The following BPIFC variants were observed in gnomAD, a reference collection of about 807,000 sequenced individuals.
BPIFC encodes the protein BPI fold containing family C.
Under a neutral mutation model 57.6 loss-of-function variants are expected in BPIFC, and 60 were observed. That is an observed-to-expected ratio of 1.04 (90% CI 0.85 to 1.29). The LOEUF (loss-of-function observed/expected upper bound fraction) is 1.29, where lower values mean the gene tolerates loss of function less well. BPIFC is among the 50% of genes most tolerant of loss of function. The probability of loss-of-function intolerance (pLI) is 0.00; values close to 1 mark genes in which losing one functional copy is unlikely to be tolerated. For synonymous variants in BPIFC, 243 were observed against 224.5 expected, an observed-to-expected ratio of 1.08 and a Z score of -0.74; for missense variants, 581 against 600.5, an observed-to-expected ratio of 0.97 and a Z score of 0.34.
Position 32,450,137 on chromosome 22 carries a change from C to CAT in BPIFC, c.246-2798_246-2797insAT, listed in dbSNP as rs1184173551. Among the ~76,000 whole-genome samples the CAT allele has an allele frequency of 1.8e-4, 14 of 79,348 alleles. No homozygotes were observed. In the East Asian group the frequency reaches 4.3e-3, roughly 25 times the overall value. 52.1% of individuals were successfully genotyped at this position (79,348 alleles called of 152,430 possible). A position where few individuals can be genotyped will look rare whatever the true frequency, so the allele number is the denominator to read the frequency against. On this transcript the variant is annotated intron_variant, in intron 4 of 16. Transcript: ENST00000300399. ...ACACACACACACACACACACACACA[C>CAT]ACACATATATACACATATATACACA...
chr22:32,419,818 A>C (rs1037896011), intron 13 of BPIFC, among the ~76,000 whole-genome samples: 7 of 151,222 alleles, frequency 4.6e-5, no homozygotes, highest in Admixed American at 1.3e-4. Context: ...AAAAAAAAAA[A>C]AAAAAACAGA....
intron 3 of BPIFC, among the ~76,000 whole-genome samples, chr22:32,454,330 C>A (rs563184738): frequency 6.6e-5 from 10 of 152,288 alleles, no homozygotes; most frequent in African/African-American, 2.4e-4. Context: ...TAATAAAAAA[C>A]TGTGGGTGAG....
At chr22:32,447,125 T>G (rs1378486803) in intron 5 of BPIFC, 87 bp downstream of exon 5, 2 of 1,416,766 alleles carry the variant, frequency 1.4e-6, no homozygotes, top group East Asian at 2.5e-5. Context: ...AGAAGCCTAT[T>G]GCCAAAAACA....
chr22:32,420,577 T>G (rs1319742100), intron 13 of BPIFC, among the ~76,000 whole-genome samples: 1 of 152,214 alleles, frequency 6.6e-6, no homozygotes, highest in African/African-American at 2.4e-5. Context: ...TTCTGCCTCT[T>G]CTTAACTCTG....
chr22:32,432,263 T>A, intron 12 of BPIFC, 110 bp downstream of exon 12: 1 of 1,199,472 alleles, frequency 8.3e-7, no homozygotes. Flanking sequence ...TCACTCTTAA[T>A]CAATGTAGCA....
chr22:32,436,178 C>T lies in BPIFC; in HGVS notation c.748-298G>A, dbSNP rs535544969. 2.2e-4 allele frequency among the ~76,000 whole-genome samples: 33 copies of T among 152,028 alleles called. 1 individual carries two copies. The highest frequency in any genetic ancestry group is 1.2e-3 in the South Asian group (6 of 4,822). ...GTGTGGTGGCGCGTACCTGTAGTTC[C>T]GGCTACTTGGGAGGCTGAGTGAGGT... is the stretch of plus-strand genomic sequence containing the variant. On this transcript the variant is annotated intron_variant, in intron 9 of 16. Transcript: ENST00000300399.
chr22:32,437,787 A>G lies in BPIFC; in HGVS notation c.720T>C (p.Thr240=), dbSNP rs941646531. Residue 240 remains threonine, a synonymous_variant, in exon 9 of 17, where the codon ACT becomes ACC. Transcript: ENST00000300399. ...DYSLISSPEI[T]ENYLDLNLKG... is the part of the protein sequence containing the mutation. ...TCAAGTTCAGGTCAAGGTAGTTCTC[A>G]GTAATTTCTGGAGAACTGATTAGGG... is the stretch of plus-strand genomic sequence containing the variant. 6.2e-7 allele frequency: 1 copy of G among 1,610,658 alleles called. No homozygotes were observed.
At chr22:32,457,417 A>G (rs938929130) in intron 2 of BPIFC, 31 bp from the exon 3 acceptor site, 6 of 1,591,370 alleles carry the variant, frequency 3.8e-6, no homozygotes, top group Non-Finnish European at 5.1e-6. Flanking sequence ...AGGTTCCTTT[A>G]TTATTCTTGA....
intron 16 of BPIFC, among the ~76,000 whole-genome samples, chr22:32,415,011 C>T (rs917781076): frequency 1.3e-5 from 2 of 152,282 alleles, no homozygotes; most frequent in Middle Eastern, 3.4e-3. Context: ...TTGGCATTAG[C>T]GACTGGTTTC....
intron 13 of BPIFC, among the ~76,000 whole-genome samples, chr22:32,425,458 C>T (rs1204365913): frequency 3.3e-5 from 5 of 152,126 alleles, no homozygotes; most frequent in African/African-American, 1.2e-4. Context: ...CTTAGCTATC[C>T]ATGGGCAGGA....
intron 13 of BPIFC, among the ~76,000 whole-genome samples, chr22:32,426,991 G>C (rs768620247): frequency 1.1e-4 from 16 of 152,154 alleles, no homozygotes; most frequent in Non-Finnish European, 2.2e-4. Flanking sequence ...TATGTAGCCA[G>C]CCCTGCTCAG....
chr22:32,436,335 A>AAG (rs1249020742), intron 9 of BPIFC, among the ~76,000 whole-genome samples: 1 of 106,078 alleles, frequency 9.4e-6, no homozygotes, highest in Non-Finnish European at 2.3e-5. Flanking sequence ...GAAGAAGAAG[A>AAG]AAGAAGAGGA....
chr22:32,425,653 A>G (rs562102049), intron 13 of BPIFC, among the ~76,000 whole-genome samples: 1 of 152,260 alleles, frequency 6.6e-6, no homozygotes, highest in African/African-American at 2.4e-5. Context: ...TTTACCGTCT[A>G]TTAGGTCCCG....
chr22:32,420,881 C>T (rs1390915043), intron 13 of BPIFC, among the ~76,000 whole-genome samples: 2 of 152,150 alleles, frequency 1.3e-5, no homozygotes, highest in African/African-American at 2.4e-5. Flanking sequence ...ATACCTGCCT[C>T]GCAGGGCTGT....
At chr22:32,448,478 T>C (rs1934796257) in intron 4 of BPIFC, among the ~76,000 whole-genome samples, 1 of 152,184 alleles carries the variant, frequency 6.6e-6, no homozygotes, top group South Asian at 2.1e-4. Flanking sequence ...ATCAGAAACG[T>C]GCCTTCCTCC....
chr22:32,443,570 A>T (rs575592003), intron 7 of BPIFC, among the ~76,000 whole-genome samples: 1 of 152,188 alleles, frequency 6.6e-6, no homozygotes, highest in African/African-American at 2.4e-5. Flanking sequence ...TTTGAAAATT[A>T]GTCTTGAGTC....
rs184596225 is a variant in BPIFC, at chr22:32,442,410, G to A, written c.655+261C>T. Among the ~76,000 whole-genome samples the A allele has an allele frequency of 2.1e-4, 32 of 152,218 alleles. No homozygotes were observed. The East Asian group carries it at 3.7e-3, about 17-fold the overall frequency. On this transcript the variant is annotated intron_variant, in intron 8 of 16. Coordinates refer to ENST00000300399, the MANE Select transcript of BPIFC (RefSeq NM_174932.3). ...AATGTCACTGCTTGGGTTCGTGCTCGTGAGGGTTTAGTTCCTGAACCTACA... is the reference window on the plus strand; with the variant it reads ...AATGTCACTGCTTGGGTTCGTGCTCATGAGGGTTTAGTTCCTGAACCTACA...
intron 15 of BPIFC, 86 bp from the exon 16 acceptor site, chr22:32,416,077 TG>T: frequency 1.4e-6 from 1 of 729,582 alleles, no homozygotes; most frequent in Non-Finnish European, 2.1e-6. Context: ...ACTGACAGCT[TG>T]CTTTTTTTTT....
At position 32,447,195 on chromosome 22, in the gene BPIFC, TTCAGTGGAATAC is replaced by T; in HGVS notation, c.374+5_374+16del. The T allele has an allele frequency of 6.4e-7, 1 of 1,566,328 alleles. No homozygotes were observed. Among genetic ancestry groups the T allele is most frequent in the Non-Finnish European group, 8.7e-7 (1 of 1,155,798 alleles). On this transcript the variant is annotated splice_donor_5th_base_variant and intron_variant, in intron 5 of 16. Transcript: ENST00000300399. Reference sequence around the variant, plus strand: ...ATTCTCCCAGAACAGCTGCAGACATTTCAGTGGAATACTCACAAAAGTGGAGACTCGAACCCC... The same window carrying T: ...ATTCTCCCAGAACAGCTGCAGACATTTCACAAAAGTGGAGACTCGAACCCC...
Sources: gnomAD v4.1 joint callset for allele counts (sites outside exome capture counted in the v4.1 genomes callset) on GRCh38, gnomAD v4.1.1 for gene constraint, MANE v1.5 for transcripts, NCBI Gene and HGNC (gene_info 2026-07-23, HGNC 2026-07-21) for gene names.